The following ABCC10 variants were observed in gnomAD, a reference collection of about 807,000 sequenced individuals.
ABCC10 encodes ATP-binding cassette sub-family C member 10.
In ABCC10, 110 loss-of-function variants were observed where a neutral mutation model predicts 143.2. That is an observed-to-expected ratio of 0.77 (90% CI 0.66 to 0.90). The LOEUF is 0.90. Ranked by LOEUF, ABCC10 falls within the 40% of genes least tolerant of loss-of-function variation. The pLI, the probability that ABCC10 is intolerant of heterozygous loss-of-function variation, is 0.00. For missense variants in ABCC10, 1,700 were observed against 1,900.5 expected (o/e 0.89, Z 1.96); for synonymous variants, 805 against 846.7 (o/e 0.95, Z 0.85).
chr6:43,445,916 G>A lies in ABCC10; in HGVS notation c.3348G>A (p.Val1116=). The A allele has an allele frequency of 6.2e-7, 1 of 1,612,842 alleles. No homozygotes were observed. The highest frequency in any genetic ancestry group is 1.1e-5 in the South Asian group (1 of 91,052). Residue 1116 remains valine, a synonymous_variant, in exon 15 of 22, where the codon GTG becomes GTA. Transcript: ENST00000372530. ...HLADTLAGLS[V]LRATGATYRF... Reference sequence around the variant, plus strand: ...CCGATACCTTGGCTGGCCTCTCTGTGCTCCGGGCCACAGGGGCCACCTACA... The same window carrying A: ...CCGATACCTTGGCTGGCCTCTCTGTACTCCGGGCCACAGGGGCCACCTACA...
intron 21 of ABCC10, 96 bp downstream of exon 21, chr6:43,449,630 GAGATCCTGCCCCCCC>G: frequency 9.7e-7 from 1 of 1,028,942 alleles, no homozygotes; most frequent in Non-Finnish European, 1.4e-6. Flanking sequence ...CAGGGCCTTA[GAGATCCTGCCCCCCC>G]AGATCTCAGC....
In ABCC10 at chr6:43,443,076, G is replaced by A. The variant is rs1363572962; in HGVS notation, c.2333G>A (p.Arg778Gln). Residue 778 changes from arginine to glutamine, a missense_variant, in exon 10 of 22, where the codon CGG (arginine) becomes CAG (glutamine). Transcript: ENST00000372530. This position sits in a 1 kb window ranked among gnomAD's most constrained non-coding sequence, Gnocchi z 4.2. ...CILGMLSYTT[R>Q]LLCTHRTEYL... ...CTGGGCATGCTGAGCTACACCACAC[G>A]GCTGCTCTGCACCCACCGCACTGAG... 14 of 1,612,516 alleles carry A rather than the reference G, an allele frequency of 8.7e-6. No homozygotes were observed. Among genetic ancestry groups the A allele is most frequent in the South Asian group, 3.3e-5 (3 of 91,048 alleles).
rs1018687824 is a variant in ABCC10, at chr6:43,443,982, G to C, written c.2466G>C (p.Trp822Cys). 3.1e-6 allele frequency: 5 copies of C among 1,614,044 alleles called. No homozygotes were observed. The African/African-American group carries it at 6.7e-5, about 22-fold the overall frequency. ...TGGTACAAGCTGTCCCCAAAGCCTG[G>C]GCTGAGAATGGACAAGAGTCTGACT... ...LPLVQAVPKAWAENGQESDSA... is the reference protein window; with the variant it reads ...LPLVQAVPKACAENGQESDSA... Residue 822 changes from tryptophan to cysteine, a missense_variant, in exon 11 of 22, where the codon TGG (tryptophan) becomes TGC (cysteine). By Grantham distance (215) the Trp-to-Cys change is radical (BLOSUM62 -2). Transcript: ENST00000372530. This position sits in a 1 kb window ranked among gnomAD's most constrained non-coding sequence, Gnocchi z 4.2.
At position 43,434,895 on chromosome 6, in the gene ABCC10, A is replaced by T. The variant is rs777942116; in HGVS notation, c.1608+47A>T. 8 of 1,582,292 alleles carry T rather than the reference A, an allele frequency of 5.1e-6. No individual in the cohort carries two copies. In the Admixed American group the frequency reaches 1.3e-4, roughly 27 times the overall value. On this transcript the variant is annotated intron_variant, in intron 4 of 21. Coordinates refer to ENST00000372530, the MANE Select transcript of ABCC10 (RefSeq NM_001198934.2). ...GACCAGCATCAAGGAGACTTCAGCGAAGTGAAGACAGAGGCTTGGGCCCTC... is the reference window on the plus strand; with the variant it reads ...GACCAGCATCAAGGAGACTTCAGCGTAGTGAAGACAGAGGCTTGGGCCCTC...
chr6:43,446,257 A>T lies in ABCC10; in HGVS notation c.3375-20A>T. 1 of 1,606,010 alleles carries T rather than the reference A, an allele frequency of 6.2e-7. No individual in the cohort carries two copies. Among genetic ancestry groups the T allele is most frequent in the Non-Finnish European group, 8.5e-7 (1 of 1,174,778 alleles). On this transcript the variant is annotated intron_variant, in intron 15 of 21. Transcript: ENST00000372530. Reference sequence around the variant, plus strand: ...CAGGGCAACAGTGGAGTGGCTTCACATCCCTCTGGCCTTCCCTAGGTTTGA... The same window carrying T: ...CAGGGCAACAGTGGAGTGGCTTCACTTCCCTCTGGCCTTCCCTAGGTTTGA...
At position 43,436,005 on chromosome 6, in the gene ABCC10, G is replaced by A; in HGVS notation, c.1765+98G>A. 6.9e-6 allele frequency: 11 copies of A among 1,598,194 alleles called. No homozygotes were observed. In the South Asian group the frequency reaches 1.1e-4, roughly 16 times the overall value. On this transcript the variant is annotated intron_variant, in intron 5 of 21. Coordinates refer to ENST00000372530, the MANE Select transcript of ABCC10 (RefSeq NM_001198934.2). Reference sequence around the variant, plus strand: ...AGATGTCACCAAGAGGGCTTAGAGAGAGCGGAATCCAAAACAGACTCATTT... The same window carrying A: ...AGATGTCACCAAGAGGGCTTAGAGAAAGCGGAATCCAAAACAGACTCATTT...
chr6:43,445,957 G>A lies in ABCC10; in HGVS notation c.3374+15G>A, dbSNP rs765325667. 6.2e-7 allele frequency: 1 copy of A among 1,602,748 alleles called. No individual in the cohort carries two copies. Among genetic ancestry groups the A allele is most frequent in the Non-Finnish European group, 8.5e-7 (1 of 1,172,270 alleles). On this transcript the variant is annotated intron_variant, in intron 15 of 21. Coordinates refer to ENST00000372530, the MANE Select transcript of ABCC10 (RefSeq NM_001198934.2). Reference sequence around the variant, plus strand: ...GCCACCTACAGGTGTGTGAACCAGAGCCCAGGGGGATGAGGTGTTGGGGGG... The same window carrying A: ...GCCACCTACAGGTGTGTGAACCAGAACCCAGGGGGATGAGGTGTTGGGGGG...
At chr6:43,433,506 T>C in intron 3 of ABCC10, 146 bp downstream of exon 3, 2 of 1,379,058 alleles carry the variant, frequency 1.5e-6, no homozygotes, top group Non-Finnish European at 1.9e-6. Flanking sequence ...TGGGTTCAAA[T>C]CCTGGCTCTA....
In ABCC10 at chr6:43,444,398, G is replaced by A. The variant is rs376146945; in HGVS notation, c.2689+45G>A. 8 of 1,544,892 alleles carry A rather than the reference G, an allele frequency of 5.2e-6. No individual in the cohort carries two copies. In the African/African-American group the frequency reaches 5.5e-5, roughly 11 times the overall value. On this transcript the variant is annotated intron_variant, in intron 12 of 21. Transcript: ENST00000372530. Reference sequence around the variant, plus strand: ...TCTCTTACATCGTAACGGCTGTGCTGTCTAGGTGCCCATTACCTTGCACTA... The same window carrying A: ...TCTCTTACATCGTAACGGCTGTGCTATCTAGGTGCCCATTACCTTGCACTA...
chr6:43,437,859 G>C (rs1422364640), intron 6 of ABCC10, 75 bp from the exon 7 acceptor site: 1 of 1,448,864 alleles, frequency 6.9e-7, no homozygotes, highest in East Asian at 2.4e-5. Flanking sequence ...GCAGCCCAGA[G>C]TGTCAAGAGG....
At chr6:43,451,107 C>T (rs1783705405), downstream of ABCC10, 8 of 1,614,106 alleles carry the variant, frequency 5.0e-6, no homozygotes, top group African/African-American at 1.3e-5. The surrounding 1 kb of genome is among the most constrained non-coding windows in gnomAD (Gnocchi z 4.4). Context: ...GCAGGAGAAG[C>T]GGTTTATGCC....
At chr6:43,439,478 C>T (rs1382898283) in intron 8 of ABCC10, among the ~76,000 whole-genome samples, 1 of 152,040 alleles carries the variant, frequency 6.6e-6, no homozygotes, top group Non-Finnish European at 1.5e-5. Flanking sequence ...TCTTGGCTCA[C>T]TGCAGCCTCT....
rs150912233 is a variant in ABCC10 at position 43,441,889 on chromosome 6, G to A, written c.2155G>A (p.Val719Met). The change falls in exon 9 of 22, where the codon GTG becomes ATG. Residue 719 changes from valine (V) to methionine (M), a missense_variant. Val to Met is a conservative substitution (Grantham distance 21). Transcript: ENST00000372530. ...CCTGCCTGCTGGAGACCAGACAGAG[G>A]TGGGGGAGAAGGGTGTCACCCTTAG... ...SILPAGDQTE[V>M]GEKGVTLSGG... is the part of the protein sequence containing the mutation. 5.5e-5 allele frequency: 88 copies of A among 1,613,732 alleles called. No homozygotes were observed. The highest frequency in any genetic ancestry group is 1.9e-4 in the African/African-American group (14 of 74,932).
chr6:43,438,835 T>C (rs764811559), intron 8 of ABCC10, 40 bp downstream of exon 8: 1 of 1,608,016 alleles, frequency 6.2e-7, no homozygotes. Context: ...TGCCTGTTTC[T>C]CCAGTGTCCC....
downstream of ABCC10, chr6:43,450,649 G>T (rs755602791): frequency 3.1e-6 from 5 of 1,613,802 alleles, no homozygotes; most frequent in Non-Finnish European, 4.2e-6. The surrounding 1 kb of genome is among the most constrained non-coding windows in gnomAD (Gnocchi z 4.5). Context: ...GGAGCATAGT[G>T]TGGGGCAGGG....
At position 43,444,011 on chromosome 6, in the gene ABCC10, G is replaced by T. The variant is rs751259865; in HGVS notation, c.2494+1G>T. ...GAGAATGGACAAGAGTCTGACTCAG[G>T]TATGGCTCCCCAGTGGGAGAAAAGG... On this transcript the variant is annotated splice_donor_variant, in intron 11 of 21. Transcript: ENST00000372530. LOFTEE classifies it high-confidence loss of function. The T allele has an allele frequency of 2.6e-5, 42 of 1,613,824 alleles. No homozygotes were observed. Among genetic ancestry groups the T allele is most frequent in the Non-Finnish European group, 3.6e-5 (42 of 1,179,780 alleles).
chr6:43,451,852 C>G (rs1783762159), downstream of ABCC10: 3 of 1,535,906 alleles, frequency 2.0e-6, no homozygotes, highest in Non-Finnish European at 2.6e-6. This position sits in a 1 kb window ranked among gnomAD's most constrained non-coding sequence, Gnocchi z 4.4. Context: ...TCTCAGTCCC[C>G]CACCCTCCCA....
downstream of ABCC10, chr6:43,450,602 C>A: frequency 6.3e-7 from 1 of 1,599,376 alleles, no homozygotes; most frequent in Non-Finnish European, 8.5e-7. This position sits in a 1 kb window ranked among gnomAD's most constrained non-coding sequence, Gnocchi z 4.5. Context: ...GCCCTGCTGG[C>A]AGCATGCTAA....
intron 9 of ABCC10, 84 bp from the exon 10 acceptor site, chr6:43,442,886 T>G (rs1782624677): frequency 5.4e-6 from 7 of 1,297,726 alleles, no homozygotes; most frequent in Non-Finnish European, 7.3e-6. Flanking sequence ...AGAGTTTCTC[T>G]CAACTGTCTT....
Sources: allele counts gnomAD v4.1 joint callset (sites outside exome capture counted in the v4.1 genomes callset), GRCh38; gene constraint gnomAD v4.1.1; non-coding constraint Gnocchi (gnomAD v3.1); transcripts MANE v1.5; gene names NCBI Gene and HGNC (gene_info 2026-07-23, HGNC 2026-07-21).